CATSPERD: variants seen among roughly 807,000 people sequenced by gnomAD.
CATSPERD encodes cation channel sperm-associated auxiliary subunit delta.
A neutral mutation model predicts 98.1 loss-of-function variants in CATSPERD; 86 were observed. The observed-to-expected ratio is 0.88, with a 90% confidence interval of 0.74 to 1.05. The LOEUF (loss-of-function observed/expected upper bound fraction) is 1.05, where lower values mean the gene tolerates loss of function less well. Ranked by LOEUF, CATSPERD falls within the 50% of genes least tolerant of loss-of-function variation. The pLI, the probability that CATSPERD is intolerant of heterozygous loss-of-function variation, is 0.00. For missense variants in CATSPERD, 995 were observed against 1,005.7 expected (o/e 0.99, Z 0.14); for synonymous variants, 394 against 390.2 (o/e 1.01, Z -0.12).
chr19:5,732,253 G>A (rs1227894084), intron 4 of CATSPERD, among the ~76,000 whole-genome samples: 2 of 152,078 alleles, frequency 1.3e-5, no homozygotes, highest in Non-Finnish European at 2.9e-5. Flanking sequence ...TTACAGGCAT[G>A]AGCCACCACG....
intron 12 of CATSPERD, chr19:5,753,711 A>T (rs1361615017): frequency 3.9e-6 from 1 of 257,846 alleles, no homozygotes; most frequent in Admixed American, 4.7e-5. Flanking sequence ...TCTATTAAAA[A>T]AAAAAAATTG....
intron 3 of CATSPERD, among the ~76,000 whole-genome samples, chr19:5,729,555 C>G (rs1175289953): frequency 6.6e-6 from 1 of 152,168 alleles, no homozygotes; most frequent in African/African-American, 2.4e-5. Flanking sequence ...CTTATATACA[C>G]ATTCCTGGTC....
At chr19:5,753,210 C>T (rs572851883) in intron 12 of CATSPERD, among the ~76,000 whole-genome samples, 8 of 151,818 alleles carry the variant, frequency 5.3e-5, no homozygotes, top group South Asian at 2.1e-4. Flanking sequence ...TGTTGGGAAA[C>T]GGGCAAGACT....
intron 18 of CATSPERD, 50 bp from the exon 19 acceptor site, chr19:5,770,894 C>G: frequency 6.5e-7 from 1 of 1,549,200 alleles, no homozygotes; most frequent in Non-Finnish European, 8.7e-7. Flanking sequence ...GGTTGGCAGA[C>G]TGGGCAGGAA....
intron 1 of CATSPERD, among the ~76,000 whole-genome samples, chr19:5,724,590 T>C (rs2055567536): frequency 6.6e-6 from 1 of 152,166 alleles, no homozygotes; most frequent in Non-Finnish European, 1.5e-5. Flanking sequence ...TCCCAGCTAC[T>C]CTGGCGGCTG....
Position 5,776,271 on chromosome 19 carries a change from T to G in CATSPERD, c.2052T>G (p.Asn684Lys). The part of the protein sequence containing the change: ...RTANQIIFGH[N>K]GFYVFYISIV... ...CAAACCAGATCATTTTCGGCCACAA[T>G]GGCTTTTATGTCTTCTACATTTCGA... is the stretch of plus-strand genomic sequence containing the variant. Residue 684 changes from asparagine (N) to lysine (K), a missense_variant, in exon 21 of 22, where the codon AAT (asparagine) becomes AAG (lysine). Physicochemically the swap from Asn to Lys is moderately conservative, Grantham distance 94. Transcript: ENST00000381624. 6.2e-7 allele frequency: 1 copy of G among 1,614,180 alleles called. No homozygotes were observed. Among genetic ancestry groups the G allele is most frequent in the Non-Finnish European group, 8.5e-7 (1 of 1,180,032 alleles).
chr19:5,723,135 T>C lies in CATSPERD; in HGVS notation c.72-1673T>C, dbSNP rs551931249. Among the ~76,000 whole-genome samples the C allele has an allele frequency of 3.2e-3, 463 of 142,954 alleles. 2 individuals carry two copies. Among genetic ancestry groups the C allele is most frequent in the Middle Eastern group, 7.6e-3 (2 of 264 alleles). The allele number at this position is 142,954 out of a possible 152,430, so 93.8% of individuals were successfully genotyped here. A position where few individuals can be genotyped will look rare whatever the true frequency, so the allele number is the denominator to read the frequency against. On this transcript the variant is annotated intron_variant, in intron 1 of 21. Transcript: ENST00000381624. ...CCGGGAGGTGGAGCTTGCAGTGAGC[T>C]GAGATCGCGCCACTGCACTCCAGCC...
At chr19:5,732,478 G>A (rs1485389551) in intron 4 of CATSPERD, among the ~76,000 whole-genome samples, 1 of 151,562 alleles carries the variant, frequency 6.6e-6, no homozygotes, top group Non-Finnish European at 1.5e-5. Flanking sequence ...TGTCGCCTAG[G>A]CTGGAGTGCA....
At chr19:5,732,993 T>C (rs2055757976) in intron 4 of CATSPERD, among the ~76,000 whole-genome samples, 1 of 151,470 alleles carries the variant, frequency 6.6e-6, no homozygotes, top group South Asian at 2.1e-4. Flanking sequence ...GTTTTTTTTC[T>C]TTTCTTTCTT....
chr19:5,777,138 A>AC (rs1486984757), intron 21 of CATSPERD, among the ~76,000 whole-genome samples: 1 of 151,212 alleles, frequency 6.6e-6, no homozygotes, highest in Non-Finnish European at 1.5e-5. Flanking sequence ...TCATATCCTC[A>AC]CCCCTACTGG....
At chr19:5,741,339 A>G (rs2055959924) in intron 7 of CATSPERD, among the ~76,000 whole-genome samples, 1 of 152,162 alleles carries the variant, frequency 6.6e-6, no homozygotes, top group Admixed American at 6.6e-5. Flanking sequence ...TTTATAAGGA[A>G]CAGAAGTTTA....
At chr19:5,757,657 T>C (rs2145808771) in intron 13 of CATSPERD, among the ~76,000 whole-genome samples, 186 bp from the exon 14 acceptor site, 1 of 148,292 alleles carries the variant, frequency 6.7e-6, no homozygotes, top group South Asian at 2.2e-4. Flanking sequence ...CCCAGGCTCG[T>C]CTTGAACTCC....
At chr19:5,737,306 A>T (rs146750120) in intron 6 of CATSPERD, 101 bp downstream of exon 6, 10,696 of 748,222 alleles carry the variant, frequency 0.014, 101 homozygotes, top group Non-Finnish European at 0.018. Flanking sequence ...CATACCTGTA[A>T]TCCCAGCACT....
intron 12 of CATSPERD, 22 bp downstream of exon 12, chr19:5,751,845 G>T: frequency 1.3e-6 from 2 of 1,593,698 alleles, no homozygotes; most frequent in South Asian, 2.2e-5. Flanking sequence ...TAACTGTTTT[G>T]ATCAATGTTC....
chr19:5,739,771 T>C (rs968832830), intron 7 of CATSPERD, among the ~76,000 whole-genome samples: 4 of 148,642 alleles, frequency 2.7e-5, no homozygotes, highest in African/African-American at 5.0e-5. Context: ...GTCTGGGAGA[T>C]TGAGGCTGTG....
At chr19:5,743,946 T>C (rs1180471596) in intron 7 of CATSPERD, among the ~76,000 whole-genome samples, 2 of 152,110 alleles carry the variant, frequency 1.3e-5, no homozygotes, top group Non-Finnish European at 2.9e-5. Context: ...ACCAAAGCTG[T>C]CTTCTTTCAA....
intron 11 of CATSPERD, among the ~76,000 whole-genome samples, chr19:5,749,951 ATG>A (rs2056172976): frequency 6.6e-6 from 1 of 150,802 alleles, no homozygotes; most frequent in East Asian, 2.0e-4. Context: ...TTACAGGCGC[ATG>A]CCACCACACC....
intron 5 of CATSPERD, among the ~76,000 whole-genome samples, chr19:5,736,652 G>A (rs1306338998): frequency 6.6e-6 from 1 of 151,552 alleles, no homozygotes; most frequent in Non-Finnish European, 1.5e-5. Flanking sequence ...AGGTGGAGGT[G>A]GCAGTGAGCC....
intron 11 of CATSPERD, 67 bp downstream of exon 11, chr19:5,749,250 G>A: frequency 8.7e-7 from 1 of 1,148,608 alleles, no homozygotes; most frequent in Non-Finnish European, 1.3e-6. Context: ...CCAGCACTTT[G>A]GGAGGCTGAG....
Sources: gnomAD v4.1 joint callset for allele counts (sites outside exome capture counted in the v4.1 genomes callset) on GRCh38, gnomAD v4.1.1 for gene constraint, MANE v1.5 for transcripts, NCBI Gene and HGNC (gene_info 2026-07-23, HGNC 2026-07-21) for gene names.